SGCZ: variants seen among roughly 807,000 people sequenced by gnomAD.
The protein encoded by SGCZ is zeta-sarcoglycan.
A neutral mutation model predicts 41.3 loss-of-function variants in SGCZ; 40 were observed. The observed-to-expected ratio is 0.97, with a 90% CI of 0.75 to 1.26. The LOEUF is 1.26. SGCZ is among the 50% of genes most tolerant of loss of function. SGCZ has a pLI of 0.00. For missense variants in SGCZ, 552 were observed against 369.8 expected (o/e 1.49, Z -4.04); for synonymous variants, 206 against 137.5 (o/e 1.50, Z -3.49).
Position 14,224,530 on chromosome 8 carries a change from C to A in SGCZ, c.424+13062G>T, listed in dbSNP as rs567564944. Among the ~76,000 whole-genome samples the A allele has an allele frequency of 1.1e-4, 17 of 152,302 alleles. No homozygotes were observed. In the South Asian group the frequency reaches 2.3e-3, roughly 20 times the overall value. ...TCACCATTTAGTATATATTATGCAA[C>A]TTTGTGCATCTGGAAATATTTCCCT... On this transcript the variant is annotated intron_variant, in intron 4 of 7. Transcript: ENST00000382080.
chr8:14,803,361 G>C (rs1172194444), intron 1 of SGCZ, among the ~76,000 whole-genome samples: 1 of 152,124 alleles, frequency 6.6e-6, no homozygotes, highest in Non-Finnish European at 1.5e-5. Flanking sequence ...GCGCAGGTCA[G>C]TGGGTGCGCG....
intron 1 of SGCZ, among the ~76,000 whole-genome samples, chr8:14,942,988 G>C (rs1800326681): frequency 6.6e-6 from 1 of 152,096 alleles, no homozygotes; most frequent in South Asian, 2.1e-4. Context: ...AATCATGCCA[G>C]TCTTATTGAG....
intron 3 of SGCZ, among the ~76,000 whole-genome samples, chr8:14,265,689 G>C (rs554153908): frequency 3.4e-4 from 51 of 151,030 alleles, no homozygotes; most frequent in African/African-American, 1.2e-3. Context: ...CAGTAAAAAG[G>C]TTAAGCAAAC....
chr8:14,564,321 AT>A (rs11363453), intron 1 of SGCZ, among the ~76,000 whole-genome samples: 127,001 of 152,062 alleles, frequency 0.84, 53,673 homozygotes, highest in East Asian at 0.89. Flanking sequence ...TGTTGATCAT[AT>A]TTAGATTTAA....
At position 14,692,722 on chromosome 8, in the gene SGCZ, AT is replaced by A. The variant is rs760904626; in HGVS notation, c.40-137797del. On this transcript the variant is annotated intron_variant, in intron 1 of 7. Transcript: ENST00000382080. ...TAAAAGTTCCACCTAAATTATTGGA[AT>A]CCTTTTATATCTATCTTAGACAAAA... 8.4e-3 allele frequency among the ~76,000 whole-genome samples: 1,284 copies of A among 152,304 alleles called. 16 individuals are homozygous for A. Among genetic ancestry groups the A allele is most frequent in the Middle Eastern group, 0.031 (9 of 294 alleles).
chr8:15,184,828 C>A (rs1470925081), intron 1 of SGCZ, among the ~76,000 whole-genome samples: 4 of 152,130 alleles, frequency 2.6e-5, no homozygotes, highest in Non-Finnish European at 5.9e-5. Flanking sequence ...CCAACTGTTG[C>A]TAATCTCTGT....
At chr8:15,166,056 T>G (rs1799655120) in intron 1 of SGCZ, among the ~76,000 whole-genome samples, 1 of 152,190 alleles carries the variant, frequency 6.6e-6, no homozygotes, top group Admixed American at 6.5e-5. Flanking sequence ...ATCGAGTGTT[T>G]TAAACCTCGA....
rs538225399 is a variant in SGCZ at position 14,818,197 on chromosome 8, C to G, written c.40-263271G>C. ...TTCATGAGCTCAGCTTAACAGCCAG[C>G]CTGTCAACAGCCACTGCCTCCCCAG... On this transcript the variant is annotated intron_variant, in intron 1 of 7. Transcript: ENST00000382080. Among the ~76,000 whole-genome samples the G allele has an allele frequency of 2.6e-5, 4 of 152,252 alleles. No individual in the cohort carries two copies. The South Asian group carries it at 6.2e-4, about 24-fold the overall frequency.
chr8:14,100,640 T>C (rs1801990799), intron 7 of SGCZ, among the ~76,000 whole-genome samples: 1 of 149,162 alleles, frequency 6.7e-6, no homozygotes, highest in Non-Finnish European at 1.5e-5. Flanking sequence ...CAAAATATTA[T>C]ACATTAGATT....
At chr8:14,756,876 C>G (rs1244480252) in intron 1 of SGCZ, among the ~76,000 whole-genome samples, 1 of 152,124 alleles carries the variant, frequency 6.6e-6, no homozygotes, top group Non-Finnish European at 1.5e-5. Context: ...AAGAGTATCA[C>G]AGTGGTAAGT....
chr8:14,582,856 G>A (rs1361858973), intron 1 of SGCZ, among the ~76,000 whole-genome samples: 1 of 151,444 alleles, frequency 6.6e-6, no homozygotes, highest in Non-Finnish European at 1.5e-5. Context: ...TTTTGTGGCT[G>A]CATAGTATTC....
intron 2 of SGCZ, among the ~76,000 whole-genome samples, chr8:14,353,068 A>C (rs986229900): frequency 4.8e-5 from 7 of 144,518 alleles, no homozygotes; most frequent in Non-Finnish European, 8.0e-5. Flanking sequence ...ATTATGTTGC[A>C]CGTTGCATGA....
intron 5 of SGCZ, among the ~76,000 whole-genome samples, chr8:14,125,207 C>G (rs575363709): frequency 6.6e-6 from 1 of 152,060 alleles, no homozygotes; most frequent in Non-Finnish European, 1.5e-5. Context: ...GTTGGCCAGG[C>G]GTGGTGGCTC....
At chr8:14,760,954 A>C (rs1217545523) in intron 1 of SGCZ, among the ~76,000 whole-genome samples, 1 of 152,214 alleles carries the variant, frequency 6.6e-6, no homozygotes, top group Non-Finnish European at 1.5e-5. Context: ...ATGTGGGTTC[A>C]AAGTTTTGTT....
At chr8:14,960,753 T>C (rs1214674506) in intron 1 of SGCZ, among the ~76,000 whole-genome samples, 1 of 152,084 alleles carries the variant, frequency 6.6e-6, no homozygotes, top group Non-Finnish European at 1.5e-5. Flanking sequence ...TATTTATTCA[T>C]ATACCATCAA....
intron 2 of SGCZ, among the ~76,000 whole-genome samples, chr8:14,454,394 G>A (rs921260150): frequency 6.6e-6 from 1 of 151,958 alleles, no homozygotes; most frequent in Non-Finnish European, 1.5e-5. Flanking sequence ...ATTTAGTTCA[G>A]GAAAAAACCT....
chr8:15,001,005 G>A (rs993343239), intron 1 of SGCZ, among the ~76,000 whole-genome samples: 1 of 152,208 alleles, frequency 6.6e-6, no homozygotes, highest in African/African-American at 2.4e-5. Context: ...TCAAAGGTGA[G>A]AGGAAAATGG....
intron 1 of SGCZ, among the ~76,000 whole-genome samples, chr8:14,807,115 C>G (rs900322451): frequency 1.3e-5 from 2 of 151,692 alleles, no homozygotes; most frequent in African/African-American, 4.8e-5. Context: ...AAACCCACAG[C>G]CAATATCATA....
intron 1 of SGCZ, among the ~76,000 whole-genome samples, chr8:14,658,936 A>G (rs943716385): frequency 6.6e-6 from 1 of 152,082 alleles, no homozygotes; most frequent in Non-Finnish European, 1.5e-5. Flanking sequence ...CAGGAAGGAA[A>G]AAGAGACGAA....
Sources: gnomAD v4.1 joint callset for allele counts (sites outside exome capture counted in the v4.1 genomes callset) on GRCh38, gnomAD v4.1.1 for gene constraint, MANE v1.5 for transcripts, NCBI Gene and HGNC (gene_info 2026-07-23, HGNC 2026-07-21) for gene names.